The following KDM4C variants were observed in gnomAD, a reference collection of about 807,000 sequenced individuals.
KDM4C encodes the protein lysine demethylase 4C, also known as lysine-specific demethylase 4C.
In KDM4C, 81 loss-of-function variants were observed where a neutral mutation model predicts 129.3. That is an observed-to-expected ratio of 0.63 (90% CI 0.52 to 0.75). The LOEUF is 0.75. Ranked by LOEUF, KDM4C falls within the 30% of genes least tolerant of loss-of-function variation. The pLI is 0.00. For synonymous variants in KDM4C, 573 were observed against 456.1 expected, an observed-to-expected ratio of 1.26 and a Z score of -3.26; for missense variants, 1,457 against 1,304.0, an observed-to-expected ratio of 1.12 and a Z score of -1.81.
chr9:7,021,413 G>T (rs1824838593), intron 15 of KDM4C, among the ~76,000 whole-genome samples: 1 of 152,142 alleles, frequency 6.6e-6, no homozygotes, highest in Admixed American at 6.5e-5. Context: ...CCAAAGTGCT[G>T]GGATTACAGG....
chr9:6,808,104 G>T (rs1458092758), intron 3 of KDM4C, among the ~76,000 whole-genome samples: 2 of 49,132 alleles, frequency 4.1e-5, no homozygotes, highest in Non-Finnish European at 7.8e-5. Context: ...CAGCCGCCCC[G>T]TCCGGGAGGT....
intron 12 of KDM4C, among the ~76,000 whole-genome samples, chr9:7,003,433 T>G (rs1356866960): frequency 2.2e-5 from 3 of 136,738 alleles, no homozygotes; most frequent in South Asian, 4.5e-4. Flanking sequence ...ATCATGGGTG[T>G]TTTTTTTTTT....
chr9:6,825,952 G>T lies in KDM4C; in HGVS notation c.435+11207G>T, dbSNP rs533238807. Among the ~76,000 whole-genome samples the T allele has an allele frequency of 1.1e-4, 16 of 152,116 alleles. 1 individual carries two copies. Among genetic ancestry groups the T allele is most frequent in the Non-Finnish European group, 1.5e-5 (1 of 67,990 alleles). On this transcript the variant is annotated intron_variant, in intron 4 of 21. Coordinates refer to ENST00000381309, the MANE Select transcript of KDM4C (RefSeq NM_015061.6). ...CAGCCTACTGAGTAGCTGGGACTAC[G>T]TGTGTGCGCCACCATGCCCAGCTAA...
intron 17 of KDM4C, among the ~76,000 whole-genome samples, chr9:7,101,333 A>C (rs556568383): frequency 2.7e-4 from 41 of 152,258 alleles, no homozygotes; most frequent in African/African-American, 7.9e-4. Flanking sequence ...TTTTTCTGCC[A>C]GGGAGGAAAA....
At chr9:6,993,258 T>C (rs1164235368) in intron 12 of KDM4C, among the ~76,000 whole-genome samples, 2 of 152,226 alleles carry the variant, frequency 1.3e-5, no homozygotes, top group Non-Finnish European at 2.9e-5. Context: ...ACTTATTCTT[T>C]TTTGGTGAAA....
At chr9:7,167,806 C>T (rs555804880) in intron 20 of KDM4C, among the ~76,000 whole-genome samples, 5 of 152,312 alleles carry the variant, frequency 3.3e-5, no homozygotes, top group South Asian at 4.2e-4. Context: ...CAGATGTGGC[C>T]AGTTAATATT....
At chr9:7,028,161 C>G (rs1826107502) in intron 15 of KDM4C, among the ~76,000 whole-genome samples, 1 of 152,080 alleles carries the variant, frequency 6.6e-6, no homozygotes, top group African/African-American at 2.4e-5. Context: ...GAAAGAATCT[C>G]TCCTTGTGGC....
intron 7 of KDM4C, among the ~76,000 whole-genome samples, chr9:6,890,659 G>A (rs1845992894): frequency 6.6e-6 from 1 of 151,928 alleles, no homozygotes; most frequent in Admixed American, 6.6e-5. Flanking sequence ...GCATGAGCTG[G>A]ATTTTCTAGG....
intron 3 of KDM4C, among the ~76,000 whole-genome samples, chr9:6,806,453 C>T (rs919119104): frequency 6.6e-6 from 1 of 151,920 alleles, no homozygotes; most frequent in African/African-American, 2.4e-5. Context: ...GAGATCACGC[C>T]ATTGCACTCC....
chr9:6,880,911 G>C (rs1259316349), intron 6 of KDM4C, among the ~76,000 whole-genome samples: 1 of 152,174 alleles, frequency 6.6e-6, no homozygotes, highest in Non-Finnish European at 1.5e-5. Flanking sequence ...CTTCCAGAAA[G>C]AAGATGTAGG....
At chr9:6,768,176 A>T (rs1193061060) in intron 1 of KDM4C, among the ~76,000 whole-genome samples, 1 of 152,006 alleles carries the variant, frequency 6.6e-6, no homozygotes, top group Non-Finnish European at 1.5e-5. Context: ...TGGTTCCCTA[A>T]TTAAACTGGC....
At chr9:6,885,791 C>T (rs1170965874) in intron 6 of KDM4C, among the ~76,000 whole-genome samples, 1 of 152,078 alleles carries the variant, frequency 6.6e-6, no homozygotes, top group Admixed American at 6.6e-5. Flanking sequence ...AAGTGTTTTT[C>T]AGGACTATGT....
chr9:6,889,977 A>T (rs927640049), intron 7 of KDM4C, among the ~76,000 whole-genome samples: 2 of 152,114 alleles, frequency 1.3e-5, no homozygotes, highest in African/African-American at 4.8e-5. Flanking sequence ...TGTTTTGTGG[A>T]TGGCTTCTGT....
chr9:6,860,219 G>C (rs1312615415), intron 5 of KDM4C, among the ~76,000 whole-genome samples: 1 of 152,100 alleles, frequency 6.6e-6, no homozygotes, highest in African/African-American at 2.4e-5. Context: ...TGGAGGTGTA[G>C]GTAGGAGAAA....
At chr9:6,768,930 G>A (rs770474928) in intron 1 of KDM4C, among the ~76,000 whole-genome samples, 1 of 151,888 alleles carries the variant, frequency 6.6e-6, no homozygotes, top group Non-Finnish European at 1.5e-5. Context: ...CCATCACCAT[G>A]CCCGGGTAAT....
intron 3 of KDM4C, among the ~76,000 whole-genome samples, chr9:6,806,320 C>T (rs1459504203): frequency 6.6e-6 from 1 of 151,878 alleles, no homozygotes; most frequent in Non-Finnish European, 1.5e-5. Flanking sequence ...CATGGAGAAA[C>T]CTTGTCTCCA....
chr9:6,867,015 ATATTTTTT>A (rs756535573), intron 5 of KDM4C, among the ~76,000 whole-genome samples: 2,673 of 114,188 alleles, frequency 0.023, 63 homozygotes, highest in East Asian at 0.097. Flanking sequence ...ATATATATAT[ATATTTTTT>A]TTTTTTTTTG....
At chr9:7,094,511 G>T (rs1379951997) in intron 17 of KDM4C, among the ~76,000 whole-genome samples, 1 of 152,116 alleles carries the variant, frequency 6.6e-6, no homozygotes, top group East Asian at 1.9e-4. Context: ...CAAACTCACT[G>T]CTGCGTGATT....
chr9:6,906,591 G>C (rs1050186734), intron 8 of KDM4C, among the ~76,000 whole-genome samples: 1 of 152,186 alleles, frequency 6.6e-6, no homozygotes, highest in Non-Finnish European at 1.5e-5. Flanking sequence ...ACAGGCACAT[G>C]CCGCCATGAC....
Sources: gnomAD v4.1 joint callset for allele counts (sites outside exome capture counted in the v4.1 genomes callset) on GRCh38, gnomAD v4.1.1 for gene constraint, MANE v1.5 for transcripts, NCBI Gene and HGNC (gene_info 2026-07-23, HGNC 2026-07-21) for gene names.